PGCKA1: variants seen among roughly 807,000 people sequenced by gnomAD.
PGCKA1 encodes PDCD10 and GCKIII kinases associated 1.
the PGCKA1 span, among the ~76,000 whole-genome samples, chr4:37,528,839 T>G: frequency 6.6e-6 from 1 of 152,218 alleles, no homozygotes; most frequent in Non-Finnish European, 1.5e-5. Flanking sequence ...ACATTATAGT[T>G]TAAGGAACTT....
the PGCKA1 span, among the ~76,000 whole-genome samples, chr4:37,490,034 A>G: frequency 6.6e-6 from 1 of 152,116 alleles, no homozygotes; most frequent in Non-Finnish European, 1.5e-5. Flanking sequence ...AAGAAAAGAA[A>G]GAGGATAGAA....
chr4:37,490,221 C>T, the PGCKA1 span, among the ~76,000 whole-genome samples: 2 of 152,024 alleles, frequency 1.3e-5, no homozygotes, highest in Non-Finnish European at 2.9e-5. Context: ...GTATTAATAT[C>T]CCCCAATTTA....
the PGCKA1 span, among the ~76,000 whole-genome samples, chr4:37,475,112 G>A: frequency 6.6e-6 from 1 of 152,096 alleles, no homozygotes; most frequent in Non-Finnish European, 1.5e-5. Flanking sequence ...AAGCCTTCTC[G>A]AGTTTTCCAG....
At chr4:37,512,715 A>G in the PGCKA1 span, among the ~76,000 whole-genome samples, 168 of 151,912 alleles carry the variant, frequency 1.1e-3, no homozygotes, top group African/African-American at 3.6e-3. Context: ...CGGCCTTCCT[A>G]AGTGCTGGGA....
chr4:37,572,069 T>TTTTTTTTC, the PGCKA1 span, among the ~76,000 whole-genome samples: 1 of 111,714 alleles, frequency 9.0e-6, no homozygotes, highest in African/African-American at 3.6e-5. Flanking sequence ...TTTTCTTTTT[T>TTTTTTTTC]TTTTTTTTTT....
At chr4:37,491,193 T>C in the PGCKA1 span, among the ~76,000 whole-genome samples, 6 of 152,324 alleles carry the variant, frequency 3.9e-5, 1 homozygote, top group Admixed American at 3.9e-4. Context: ...GACACCTTAA[T>C]GTCAAGTGTT....
the PGCKA1 span, among the ~76,000 whole-genome samples, chr4:37,515,769 AG>A: frequency 6.6e-6 from 1 of 152,236 alleles, no homozygotes; most frequent in Non-Finnish European, 1.5e-5. Context: ...AAATAAATAC[AG>A]GGATTACTGA....
the PGCKA1 span, among the ~76,000 whole-genome samples, chr4:37,494,957 T>C: frequency 2.6e-5 from 4 of 151,756 alleles, no homozygotes; most frequent in Non-Finnish European, 5.9e-5. Flanking sequence ...ACCTACAGAA[T>C]GGGAGAAAAT....
the PGCKA1 span, chr4:37,591,153 TG>T: frequency 1.8e-4 from 113 of 626,486 alleles, 1 homozygote; most frequent in Middle Eastern, 1.7e-3. Context: ...TGTCAGCATC[TG>T]TCCCATGCTG....
chr4:37,570,543 A>G, the PGCKA1 span, among the ~76,000 whole-genome samples: 3 of 151,176 alleles, frequency 2.0e-5, no homozygotes, highest in Admixed American at 2.0e-4. Context: ...AGTTTCTTCT[A>G]TAAAGGCAGC....
At chr4:37,533,057 T>TCACTTTGGGGA in the PGCKA1 span, among the ~76,000 whole-genome samples, 11 of 151,816 alleles carry the variant, frequency 7.2e-5, no homozygotes, top group East Asian at 1.9e-4. Flanking sequence ...TCACAAATCA[T>TCACTTTGGGGA]CTGGTATGTA....
the PGCKA1 span, among the ~76,000 whole-genome samples, chr4:37,579,663 T>C: frequency 2.3e-4 from 35 of 152,346 alleles, no homozygotes; most frequent in African/African-American, 7.5e-4. Context: ...AGCTTCATTG[T>C]ATGTTATTTG....
chr4:37,493,693 A>G, the PGCKA1 span, among the ~76,000 whole-genome samples: 1 of 152,130 alleles, frequency 6.6e-6, no homozygotes, highest in Non-Finnish European at 1.5e-5. Context: ...ATACCCATTA[A>G]CCATTCTCAC....
At chr4:37,469,636 G>A in the PGCKA1 span, among the ~76,000 whole-genome samples, 1 of 152,162 alleles carries the variant, frequency 6.6e-6, no homozygotes, top group Non-Finnish European at 1.5e-5. Flanking sequence ...CCCAGACCTG[G>A]ACTGTATATG....
the PGCKA1 span, among the ~76,000 whole-genome samples, chr4:37,507,200 C>A: frequency 6.6e-6 from 1 of 151,972 alleles, no homozygotes; most frequent in African/African-American, 2.4e-5. Context: ...TTCTTATAGG[C>A]AACAGATAAT....
At chr4:37,581,766 G>GC in the PGCKA1 span, among the ~76,000 whole-genome samples, 14 of 152,016 alleles carry the variant, frequency 9.2e-5, no homozygotes, top group African/African-American at 2.7e-4. This position sits in a 1 kb window ranked among gnomAD's most constrained non-coding sequence, Gnocchi z 4.4. Flanking sequence ...TAGATCAGGT[G>GC]CCCCCCCAGG....
At chr4:37,553,698 G>A in the PGCKA1 span, among the ~76,000 whole-genome samples, 4 of 152,138 alleles carry the variant, frequency 2.6e-5, no homozygotes, top group African/African-American at 4.8e-5. Flanking sequence ...TCTTAGAATC[G>A]ATAAAATGTG....
At chr4:37,489,449 A>G in the PGCKA1 span, among the ~76,000 whole-genome samples, 2 of 152,186 alleles carry the variant, frequency 1.3e-5, no homozygotes, top group African/African-American at 2.4e-5. Context: ...AAAATAGCAC[A>G]TTCCTAGGAT....
chr4:37,531,147 A>G, the PGCKA1 span, among the ~76,000 whole-genome samples: 1 of 152,212 alleles, frequency 6.6e-6, no homozygotes, highest in Non-Finnish European at 1.5e-5. Context: ...CTGAGGCGTT[A>G]TCCTAGGAAC....
Sources: allele counts gnomAD v4.1 joint callset (sites outside exome capture counted in the v4.1 genomes callset), GRCh38; gene constraint gnomAD v4.1.1; non-coding constraint Gnocchi (gnomAD v3.1); transcripts MANE v1.5; gene names NCBI Gene and HGNC (gene_info 2026-07-23, HGNC 2026-07-21).